The following GAS2 variants were observed in gnomAD, a reference collection of about 807,000 sequenced individuals.
GAS2 encodes growth arrest-specific protein 2.
A neutral mutation model predicts 37.5 loss-of-function variants in GAS2; 20 were observed. The ratio of observed to expected loss-of-function variants is 0.53; its 90% CI spans 0.37 to 0.77. The LOEUF (loss-of-function observed/expected upper bound fraction) is 0.77. Among genes scored for constraint, GAS2 ranks in the 30% least tolerant of loss-of-function variants. The pLI is 0.00. For synonymous variants in GAS2, 144 were observed against 132.2 expected, an observed-to-expected ratio of 1.09 and a Z score of -0.61; for missense variants, 336 against 373.4, an observed-to-expected ratio of 0.90 and a Z score of 0.82.
At chr11:22,753,678 G>A (rs1297601846) in intron 6 of GAS2, among the ~76,000 whole-genome samples, 1 of 152,014 alleles carries the variant, frequency 6.6e-6, no homozygotes, top group African/African-American at 2.4e-5. Flanking sequence ...TTCTCCCAAT[G>A]CCCCTCCCTT....
chr11:22,668,964 A>C (rs1849095686), intron 1 of GAS2, among the ~76,000 whole-genome samples: 1 of 152,214 alleles, frequency 6.6e-6, no homozygotes, highest in Admixed American at 6.5e-5. Flanking sequence ...AATGAACTGG[A>C]GTAACAGTAG....
chr11:22,780,099 A>G (rs1855477472), intron 7 of GAS2, among the ~76,000 whole-genome samples: 1 of 152,230 alleles, frequency 6.6e-6, no homozygotes, highest in Admixed American at 6.5e-5. Flanking sequence ...TTATTTATCA[A>G]ATGAATTGAG....
At chr11:22,633,175 G>A (rs911979764) in intron 1 of GAS2, among the ~76,000 whole-genome samples, 4 of 151,140 alleles carry the variant, frequency 2.6e-5, no homozygotes, top group Non-Finnish European at 5.9e-5. Flanking sequence ...CTTCTCATTT[G>A]GGTAGACCAT....
At chr11:22,767,367 T>C (rs1219697719) in intron 7 of GAS2, among the ~76,000 whole-genome samples, 1 of 152,090 alleles carries the variant, frequency 6.6e-6, no homozygotes, top group Non-Finnish European at 1.5e-5. Context: ...TTTAAAAAAC[T>C]TTGTATAAAT....
chr11:22,791,553 A>T (rs1354291946), intron 7 of GAS2, among the ~76,000 whole-genome samples: 2 of 152,232 alleles, frequency 1.3e-5, no homozygotes, highest in Admixed American at 1.3e-4. Flanking sequence ...CACTAATGTG[A>T]CTTTAACATT....
intron 3 of GAS2, among the ~76,000 whole-genome samples, chr11:22,706,941 A>G (rs1851154610): frequency 6.6e-6 from 1 of 151,932 alleles, no homozygotes; most frequent in East Asian, 1.9e-4. Flanking sequence ...ACTAGTTTAC[A>G]GTCCCACCAA....
chr11:22,688,260 C>A (rs1479717269), intron 3 of GAS2: 1 of 152,090 alleles, frequency 6.6e-6, no homozygotes, highest in Admixed American at 6.6e-5. Flanking sequence ...TTGATAAAAT[C>A]TCTTTTTGAT....
chr11:22,779,841 C>T (rs961587893), intron 7 of GAS2, among the ~76,000 whole-genome samples: 3 of 152,186 alleles, frequency 2.0e-5, no homozygotes, highest in Non-Finnish European at 4.4e-5. Flanking sequence ...AATGTCCTGT[C>T]CTACAACCAA....
chr11:22,794,286 C>G (rs1856323955), intron 7 of GAS2, among the ~76,000 whole-genome samples: 1 of 152,064 alleles, frequency 6.6e-6, no homozygotes, highest in Non-Finnish European at 1.5e-5. Context: ...GCCCTCAAAA[C>G]AGCAAACCTG....
intron 7 of GAS2, among the ~76,000 whole-genome samples, chr11:22,779,297 G>A (rs548113938): frequency 2.8e-4 from 43 of 152,156 alleles, no homozygotes; most frequent in African/African-American, 9.9e-4. Flanking sequence ...ATGTGGGGAT[G>A]GTGCCCACCT....
In GAS2 at chr11:22,811,940, C is replaced by T; in HGVS notation, c.866C>T (p.Pro289Leu). Residue 289 changes from proline (P) to leucine (L), a missense_variant, in exon 8 of 8, where the codon CCA (proline) becomes CTA (leucine). Physicochemically the swap from Pro to Leu is moderately conservative, Grantham distance 98 (BLOSUM62 -3). Coordinates refer to ENST00000454584, the MANE Select transcript of GAS2 (RefSeq NM_001143830.3). ...GKTSPIQSKS[P>L]TLKDMNPDNY... The stretch of plus-strand genomic sequence containing the variant: ...ACATCCCCTATCCAAAGCAAATCTC[C>T]AACTCTAAAGGACATGAATCCAGAT... The T allele has an allele frequency of 2.5e-6, 4 of 1,614,082 alleles. No homozygotes were observed. The highest frequency in any genetic ancestry group is 3.4e-6 in the Non-Finnish European group (4 of 1,180,018).
At chr11:22,721,760 A>C (rs1030817422) in intron 3 of GAS2, among the ~76,000 whole-genome samples, 2 of 152,086 alleles carry the variant, frequency 1.3e-5, no homozygotes, top group South Asian at 4.1e-4. Flanking sequence ...TTAGAAAACT[A>C]TTCAGAAGCT....
At chr11:22,777,444 T>C (rs1419706746) in intron 7 of GAS2, among the ~76,000 whole-genome samples, 1 of 152,124 alleles carries the variant, frequency 6.6e-6, no homozygotes, top group Admixed American at 6.5e-5. Flanking sequence ...TTCAACAAAA[T>C]TTTGCTGAGT....
In GAS2 at chr11:22,746,773, G is replaced by T. The variant is rs574660920; in HGVS notation, c.474-2347G>T. On this transcript the variant is annotated intron_variant, in intron 5 of 7. Coordinates refer to ENST00000454584, the MANE Select transcript of GAS2 (RefSeq NM_001143830.3). ...ACTATGATCACTACCTGGGTAATGG[G>T]ATCATTTGTACCCCAAACCTCAACA... Among the ~76,000 whole-genome samples, 6 of 152,168 alleles carry T rather than the reference G, an allele frequency of 3.9e-5. No individual in the cohort carries two copies. In the South Asian group the frequency reaches 1.2e-3, roughly 32 times the overall value.
chr11:22,726,894 T>C (rs181183824), intron 4 of GAS2, among the ~76,000 whole-genome samples: 3 of 152,250 alleles, frequency 2.0e-5, no homozygotes, highest in Admixed American at 2.0e-4. Flanking sequence ...ACGTACAGAT[T>C]ACTCATTCAT....
chr11:22,635,564 C>T (rs1296616540), intron 1 of GAS2, among the ~76,000 whole-genome samples: 2 of 152,212 alleles, frequency 1.3e-5, no homozygotes, highest in African/African-American at 4.8e-5. Flanking sequence ...GGCTTTCAAG[C>T]CACACCCCTC....
chr11:22,711,637 C>T (rs946009174), intron 3 of GAS2, among the ~76,000 whole-genome samples: 20 of 152,184 alleles, frequency 1.3e-4, no homozygotes, highest in Non-Finnish European at 2.2e-4. Context: ...CACAAGCTGC[C>T]TGGATATAAA....
At chr11:22,751,323 C>T (rs1172381543) in intron 6 of GAS2, among the ~76,000 whole-genome samples, 2 of 151,940 alleles carry the variant, frequency 1.3e-5, no homozygotes, top group Admixed American at 1.3e-4. Flanking sequence ...GCGCTACCCC[C>T]TATATAAAGA....
intron 1 of GAS2, among the ~76,000 whole-genome samples, chr11:22,633,384 T>C (rs1038081513): frequency 6.6e-6 from 1 of 152,214 alleles, no homozygotes; most frequent in Non-Finnish European, 1.5e-5. Context: ...ATGCTGGTTA[T>C]AGTAGCAATG....
Sources: gnomAD v4.1 joint callset for allele counts (sites outside exome capture counted in the v4.1 genomes callset) on GRCh38, gnomAD v4.1.1 for gene constraint, MANE v1.5 for transcripts, NCBI Gene and HGNC (gene_info 2026-07-23, HGNC 2026-07-21) for gene names.